ASAP1: variants seen among roughly 807,000 people sequenced by gnomAD.
The protein encoded by ASAP1 is ArfGAP with SH3 domain, ankyrin repeat and PH domain 1.
Under a neutral mutation model 145.2 loss-of-function variants are expected in ASAP1, and 43 were observed. The observed-to-expected ratio is 0.30, with a 90% CI of 0.23 to 0.38. ASAP1 has a LOEUF of 0.38. ASAP1 is among the 10% of genes least tolerant of loss of function. The pLI, the probability that ASAP1 is intolerant of heterozygous loss-of-function variation, is 1.00. For missense variants in ASAP1, 1,018 were observed against 1,355.3 expected, an observed-to-expected ratio of 0.75 and a Z score of 3.91; for synonymous variants, 546 against 515.5, an observed-to-expected ratio of 1.06 and a Z score of -0.80.
At chr8:130,399,581 CCT>C (rs373665471) in intron 2 of ASAP1, among the ~76,000 whole-genome samples, 1 of 152,252 alleles carries the variant, frequency 6.6e-6, no homozygotes, top group African/African-American at 2.4e-5. Flanking sequence ...CTCAGGTTGG[CCT>C]CTCTGCCTCC....
chr8:130,160,533 G>A (rs1356099222), intron 11 of ASAP1, among the ~76,000 whole-genome samples: 1 of 118,484 alleles, frequency 8.4e-6, no homozygotes, highest in Non-Finnish European at 1.7e-5. Context: ...CAATTCTACA[G>A]CAGTGAAAAG....
At chr8:130,130,831 C>G (rs1474179930) in intron 15 of ASAP1, among the ~76,000 whole-genome samples, 1 of 152,034 alleles carries the variant, frequency 6.6e-6, no homozygotes, top group Admixed American at 6.6e-5. Flanking sequence ...ATCGCTCTAG[C>G]CTAGGAGTTC....
In ASAP1 at chr8:130,052,575, G is replaced by C. The variant is rs529352237; in HGVS notation, c.*2156C>G. 2 of 152,112 alleles carry C rather than the reference G, an allele frequency of 1.3e-5. No individual in the cohort carries two copies. The highest frequency in any genetic ancestry group is 4.2e-4 in the South Asian group (2 of 4,812). The allele number at this position is 152,112 out of a possible 1,614,324, so 9.4% of individuals were successfully genotyped here. On this transcript the variant is annotated 3_prime_UTR_variant, in exon 30 of 30. Transcript: ENST00000518721. The stretch of plus-strand genomic sequence containing the variant: ...CTATGTCCCACAGTAAGCTGGGTTA[G>C]AGAGAACTCAAATTCCTGATGGAAA...
chr8:130,136,813 A>T, intron 14 of ASAP1, 138 bp downstream of exon 14: 1 of 728,752 alleles, frequency 1.4e-6, no homozygotes, highest in South Asian at 1.7e-5. Context: ...GCATCTTCCT[A>T]GAGCAGCACA....
At position 130,155,370 on chromosome 8, in the gene ASAP1, C is replaced by T. The variant is rs768035901; in HGVS notation, c.1011-2565G>A. The stretch of plus-strand genomic sequence containing the variant: ...ACAGTTGAGAGCAGTATTGCCTGAT[C>T]TTTTGTGTGCGAGAGAGACAGGGTG... On this transcript the variant is annotated intron_variant, in intron 12 of 29. Transcript: ENST00000518721. 8.5e-5 allele frequency among the ~76,000 whole-genome samples: 13 copies of T among 152,152 alleles called. No homozygotes were observed. The South Asian group carries it at 1.0e-3, about 12-fold the overall frequency.
chr8:130,215,813 T>A (rs1449833935), intron 4 of ASAP1, among the ~76,000 whole-genome samples: 4 of 151,816 alleles, frequency 2.6e-5, no homozygotes, highest in African/African-American at 9.7e-5. Context: ...TGGTCTCAGC[T>A]ACTTGGGAGG....
chr8:130,192,919 T>C (rs572048326), intron 5 of ASAP1, among the ~76,000 whole-genome samples: 1 of 152,168 alleles, frequency 6.6e-6, no homozygotes, highest in Non-Finnish European at 1.5e-5. Context: ...TACGTGCCTA[T>C]CAATAGGGCA....
intron 3 of ASAP1, among the ~76,000 whole-genome samples, chr8:130,309,041 A>G (rs1404503794): frequency 3.9e-5 from 6 of 152,202 alleles, no homozygotes; most frequent in Non-Finnish European, 2.9e-5. Flanking sequence ...GCATAATAAA[A>G]GAGGTGAGAG....
intron 27 of ASAP1, among the ~76,000 whole-genome samples, chr8:130,066,607 CTTGT>C (rs1307293692): frequency 4.7e-5 from 7 of 149,124 alleles, no homozygotes; most frequent in South Asian, 2.1e-4. Flanking sequence ...TCCTTCCTTC[CTTGT>C]TTCTTTTTCT....
At chr8:130,069,715 C>T (rs951718554) in intron 27 of ASAP1, 1 of 152,166 alleles carries the variant, frequency 6.6e-6, no homozygotes, top group Non-Finnish European at 1.5e-5. Flanking sequence ...GCTCTCCCAA[C>T]ATTAAACGGC....
chr8:130,089,473 G>A (rs1395310057), intron 25 of ASAP1, among the ~76,000 whole-genome samples: 1 of 152,148 alleles, frequency 6.6e-6, no homozygotes, highest in Non-Finnish European at 1.5e-5. Context: ...GGAGAGATGA[G>A]AGGTTTAGGG....
At chr8:130,376,827 C>T (rs1186138797) in intron 2 of ASAP1, among the ~76,000 whole-genome samples, 4 of 136,560 alleles carry the variant, frequency 2.9e-5, no homozygotes, top group East Asian at 2.3e-4. Flanking sequence ...CGTTTGAAGC[C>T]GGGAGGCAGA....
intron 9 of ASAP1, among the ~76,000 whole-genome samples, chr8:130,178,594 A>T (rs562274299): frequency 6.6e-6 from 1 of 152,398 alleles, no homozygotes; most frequent in East Asian, 1.9e-4. Flanking sequence ...ATGAAACAAA[A>T]CAAAACTGAA....
At chr8:130,201,516 T>C (rs952774328) in intron 5 of ASAP1, among the ~76,000 whole-genome samples, 8 of 152,244 alleles carry the variant, frequency 5.3e-5, no homozygotes, top group Non-Finnish European at 1.0e-4. Flanking sequence ...GGGTTAGATT[T>C]AACATCATCT....
At chr8:130,162,109 CTTTTAA>C (rs2097670424) in intron 11 of ASAP1, among the ~76,000 whole-genome samples, 1 of 152,172 alleles carries the variant, frequency 6.6e-6, no homozygotes, top group South Asian at 2.1e-4. Context: ...TAAATGTTCA[CTTTTAA>C]TCAGGGCCTA....
intron 4 of ASAP1, among the ~76,000 whole-genome samples, chr8:130,215,569 C>T (rs920188865): frequency 3.9e-5 from 6 of 152,094 alleles, no homozygotes; most frequent in African/African-American, 1.4e-4. Flanking sequence ...CGGTGAAACC[C>T]CATCTCTACT....
intron 2 of ASAP1, among the ~76,000 whole-genome samples, chr8:130,362,372 G>A (rs2138203683): frequency 6.6e-6 from 1 of 152,330 alleles, no homozygotes; most frequent in East Asian, 1.9e-4. Flanking sequence ...AATGGCTAAA[G>A]TGGGAAGGGA....
chr8:130,234,226 C>A (rs1057224960), intron 4 of ASAP1, among the ~76,000 whole-genome samples: 2 of 152,100 alleles, frequency 1.3e-5, no homozygotes, highest in South Asian at 2.1e-4. Flanking sequence ...CAATATGGCA[C>A]CCACTAGTCA....
intron 3 of ASAP1, among the ~76,000 whole-genome samples, chr8:130,269,060 C>T (rs1471611315): frequency 6.6e-6 from 1 of 152,150 alleles, no homozygotes; most frequent in Admixed American, 6.5e-5. Context: ...AAGGCATTAT[C>T]AGTCCAATAA....
Sources: gnomAD v4.1 joint callset for allele counts (sites outside exome capture counted in the v4.1 genomes callset) on GRCh38, gnomAD v4.1.1 for gene constraint, MANE v1.5 for transcripts, NCBI Gene and HGNC (gene_info 2026-07-23, HGNC 2026-07-21) for gene names.